UTP18: variants seen among roughly 807,000 people sequenced by gnomAD.
UTP18 encodes the protein U3 small nucleolar RNA-associated protein 18 homolog.
A neutral mutation model predicts 61.1 loss-of-function variants in UTP18; 36 were observed. That is an observed-to-expected ratio of 0.59 (90% CI 0.45 to 0.78). UTP18 has a LOEUF of 0.78. UTP18 is among the 30% of genes least tolerant of loss of function. The pLI is 0.00. For missense variants in UTP18, 753 were observed against 693.9 expected, an observed-to-expected ratio of 1.09 and a Z score of -0.96; for synonymous variants, 282 against 251.1, an observed-to-expected ratio of 1.12 and a Z score of -1.16.
chr17:51,266,378 C>A, intron 3 of UTP18, 98 bp downstream of exon 3: 1 of 801,758 alleles, frequency 1.2e-6, no homozygotes, highest in Non-Finnish European at 1.8e-6. Flanking sequence ...CATTTTGAAA[C>A]AGTAAGAGGA....
chr17:51,297,754 T>C, intron 13 of UTP18, 28 bp from the exon 14 acceptor site: 1 of 437,590 alleles, frequency 2.3e-6, no homozygotes, highest in Non-Finnish European at 4.5e-6. Context: ...ATAAATCAGG[T>C]ATGTAATTTC....
chr17:51,297,050 C>T (rs778924149), intron 13 of UTP18, 47 bp downstream of exon 13: 247 of 1,502,298 alleles, frequency 1.6e-4, no homozygotes, highest in Non-Finnish European at 3.6e-5. Flanking sequence ...TAAGATACAC[C>T]CATTGCTGTC....
intron 12 of UTP18, among the ~76,000 whole-genome samples, chr17:51,295,906 T>C (rs1209877724): frequency 6.6e-6 from 1 of 152,206 alleles, no homozygotes; most frequent in African/African-American, 2.4e-5. Flanking sequence ...AAAAAGCCAC[T>C]TTAATAATAT....
rs771768895 is a variant in UTP18, at chr17:51,275,846, C to T, written c.712-20C>T. ...TTTATTCATTTCAATTGATAAAATC[C>T]CAGCTTTCATTTCCTATAGATGAAG... On this transcript the variant is annotated intron_variant, in intron 5 of 13. Coordinates refer to ENST00000225298, the MANE Select transcript of UTP18 (RefSeq NM_016001.3). 3.8e-6 allele frequency: 6 copies of T among 1,575,790 alleles called. No individual in the cohort carries two copies. The highest frequency in any genetic ancestry group is 2.0e-5 in the Admixed American group (1 of 50,520).
chr17:51,284,516 C>T (rs916698099), intron 9 of UTP18, among the ~76,000 whole-genome samples: 2 of 152,006 alleles, frequency 1.3e-5, no homozygotes, highest in Non-Finnish European at 2.9e-5. Context: ...ATTTTGGTAT[C>T]TAAATCGCTA....
rs768985330 is a variant in UTP18, at chr17:51,296,972, C to T, written c.1654C>T (p.His552Tyr). Residue 552 changes from histidine (H) to tyrosine (Y), a missense_variant, in exon 13 of 14, where the codon CAT becomes TAT. Transcript: ENST00000225298. ...KGKALMYRLHHYSDF is the reference protein window; with the variant it reads ...KGKALMYRLHYYSDF Reference sequence around the variant, plus strand: ...TATTTTTTACTTTTCCAGGTTGCACCATTACTCAGACTTCTAAAGAGACTA... The same window carrying T: ...TATTTTTTACTTTTCCAGGTTGCACTATTACTCAGACTTCTAAAGAGACTA... The T allele has an allele frequency of 3.5e-5, 57 of 1,605,744 alleles. No individual in the cohort carries two copies. Among genetic ancestry groups the T allele is most frequent in the Non-Finnish European group, 4.5e-5 (53 of 1,176,892 alleles).
At chr17:51,273,303 A>G (rs1380526347) in intron 4 of UTP18, 59 bp from the exon 5 acceptor site, 1 of 1,261,196 alleles carries the variant, frequency 7.9e-7, no homozygotes, top group Non-Finnish European at 1.1e-6. Flanking sequence ...AGTTTGGGGT[A>G]GGTAAAAGGG....
chr17:51,291,251 A>G (rs2144444426), intron 11 of UTP18, among the ~76,000 whole-genome samples: 1 of 152,240 alleles, frequency 6.6e-6, no homozygotes, highest in East Asian at 1.9e-4. Context: ...ACCTTTTAAA[A>G]TGGGGGCTAT....
intron 6 of UTP18, 42 bp from the exon 7 acceptor site, chr17:51,277,088 C>T (rs1211423110): frequency 3.8e-6 from 6 of 1,587,146 alleles, no homozygotes; most frequent in African/African-American, 2.7e-5. Flanking sequence ...GATACAGGGT[C>T]TGTGGAAATA....
At chr17:51,293,114 C>T (rs1251955884) in intron 11 of UTP18, among the ~76,000 whole-genome samples, 2 of 152,260 alleles carry the variant, frequency 1.3e-5, no homozygotes, top group South Asian at 4.1e-4. Flanking sequence ...AATCTCTTTT[C>T]CCTGTGATCA....
chr17:51,268,805 C>T (rs1175482088), intron 3 of UTP18, 32 bp from the exon 4 acceptor site: 5 of 1,593,320 alleles, frequency 3.1e-6, no homozygotes, highest in Admixed American at 3.3e-5. Context: ...TAGTGGTTGC[C>T]ATAAATATAT....
At chr17:51,281,038 C>A (rs1186113542) in intron 9 of UTP18, among the ~76,000 whole-genome samples, 1 of 151,448 alleles carries the variant, frequency 6.6e-6, no homozygotes. Flanking sequence ...ATTAGCCAGG[C>A]ATGCTGGCGC....
intron 9 of UTP18, 36 bp from the exon 10 acceptor site, chr17:51,285,209 A>G: frequency 6.2e-7 from 1 of 1,610,478 alleles, no homozygotes; most frequent in Non-Finnish European, 8.5e-7. Context: ...AGTTTAAAGC[A>G]AAATTAACAA....
chr17:51,291,180 G>A (rs925177482), intron 11 of UTP18, among the ~76,000 whole-genome samples: 4 of 152,120 alleles, frequency 2.6e-5, no homozygotes, highest in African/African-American at 9.7e-5. Flanking sequence ...GATCACCTGA[G>A]GCCAGGAGTT....
intron 7 of UTP18, 67 bp from the exon 8 acceptor site, chr17:51,279,938 T>C: frequency 1.6e-6 from 2 of 1,276,632 alleles, no homozygotes; most frequent in Non-Finnish European, 2.2e-6. Context: ...AACTCATTTG[T>C]CAATAGATGA....
chr17:51,294,830 G>A (rs371369286), intron 12 of UTP18, among the ~76,000 whole-genome samples: 9,976 of 152,020 alleles, frequency 0.066, 563 homozygotes, highest in African/African-American at 0.15. Flanking sequence ...CAGTGTAAAA[G>A]TGTTCCTATT....
intron 10 of UTP18, chr17:51,286,569 T>C (rs1905123130): frequency 4.4e-6 from 2 of 456,170 alleles, no homozygotes; most frequent in South Asian, 3.1e-5. Context: ...AGAACTAGGC[T>C]GTGGAGCTTG....
At position 51,260,605 on chromosome 17, in the gene UTP18, A is replaced by G; in HGVS notation, c.21A>G (p.Arg7=). The G allele has an allele frequency of 1.2e-6, 2 of 1,612,452 alleles. No individual in the cohort carries two copies. The highest frequency in any genetic ancestry group is 1.7e-6 in the Non-Finnish European group (2 of 1,179,628). The change falls in exon 1 of 14, where the codon AGA becomes AGG. Residue 7 remains arginine (R), a synonymous_variant. Transcript: ENST00000225298. MPPERR[R]RMKLDRRTGA... ...TAACGATGCCGCCGGAGCGGAGGAG[A>G]CGAATGAAACTGGACCGGAGAACCG...
chr17:51,290,208 G>C lies in UTP18; in HGVS notation c.1503+2005G>C, dbSNP rs1441889597. Among the ~76,000 whole-genome samples the C allele has an allele frequency of 2.0e-5, 3 of 152,278 alleles. No homozygotes were observed. In the East Asian group the frequency reaches 5.8e-4, roughly 29 times the overall value. ...AGGTGGGTGGATCACTTGAGGTCAGGAGTTCAAGACCAGCCTGGCCAACAT... is the reference window on the plus strand; with the variant it reads ...AGGTGGGTGGATCACTTGAGGTCAGCAGTTCAAGACCAGCCTGGCCAACAT... On this transcript the variant is annotated intron_variant, in intron 11 of 13. Transcript: ENST00000225298.
Sources: allele counts gnomAD v4.1 joint callset (sites outside exome capture counted in the v4.1 genomes callset), GRCh38; gene constraint gnomAD v4.1.1; transcripts MANE v1.5; gene names NCBI Gene and HGNC (gene_info 2026-07-23, HGNC 2026-07-21).